Variants in ANO7 observed in about 807,000 individuals in gnomAD.
ANO7 encodes the protein anoctamin 7.
Under a neutral mutation model 115.8 loss-of-function variants are expected in ANO7, and 114 were observed. That is an observed-to-expected ratio of 0.98 (90% CI 0.85 to 1.15). The LOEUF is 1.15. Among genes scored for constraint, ANO7 ranks in the 50% most tolerant of loss-of-function variants. The pLI is 0.00. For synonymous variants in ANO7, 550 were observed against 498.2 expected (o/e 1.10, Z -1.38); for missense variants, 1,302 against 1,201.2 (o/e 1.08, Z -1.24).
chr2:241,239,656 G>C, the ANO7 span: 1 of 1,614,204 alleles, frequency 6.2e-7, no homozygotes, highest in Non-Finnish European at 8.5e-7. The surrounding 1 kb of genome is among the most constrained non-coding windows in gnomAD (Gnocchi z 4.6). Context: ...CACAGTCCTT[G>C]GCGCCCTTGA....
At chr2:241,229,612 G>C, downstream of ANO7, 1 of 1,613,664 alleles carries the variant, frequency 6.2e-7, no homozygotes, top group Non-Finnish European at 8.5e-7. Context: ...TATCGTTTGG[G>C]GCCCCAAGGG....
intron 4 of ANO7, among the ~76,000 whole-genome samples, chr2:241,196,913 G>A (rs1388931036): frequency 6.6e-6 from 1 of 152,108 alleles, no homozygotes; most frequent in Non-Finnish European, 1.5e-5. Context: ...GGACTTCTGG[G>A]AGTAGGGGTG....
intron 3 of ANO7, among the ~76,000 whole-genome samples, chr2:241,192,244 G>A (rs980000171): frequency 2.0e-5 from 3 of 152,328 alleles, no homozygotes; most frequent in East Asian, 3.9e-4. Context: ...AGAATCGCTT[G>A]AACCCAAAAG....
In ANO7 at chr2:241,217,682, G is replaced by A. The variant is rs1298085797; in HGVS notation, c.1973-4G>A. ...AGAGCCCGGCCGTGACCCCCTCCCC[G>A]CAGTGCTGCAGTTCGGCTTCGTCAC... On this transcript the variant is annotated splice_polypyrimidine_tract_variant and splice_region_variant and intron_variant, in intron 19 of 24. Coordinates refer to ENST00000674324, the MANE Select transcript of ANO7 (RefSeq NM_001370694.2). 6 of 1,575,148 alleles carry A rather than the reference G, an allele frequency of 3.8e-6. No homozygotes were observed. Among genetic ancestry groups the A allele is most frequent in the Admixed American group, 1.8e-5 (1 of 55,068 alleles).
chr2:241,189,363 G>T (rs140765011), intron 1 of ANO7, among the ~76,000 whole-genome samples: 1 of 152,178 alleles, frequency 6.6e-6, no homozygotes, highest in Non-Finnish European at 1.5e-5. Context: ...CACACCCTCC[G>T]GTCATCGTCG....
intron 19 of ANO7, among the ~76,000 whole-genome samples, chr2:241,217,050 C>T (rs953582212): frequency 1.3e-5 from 2 of 152,200 alleles, no homozygotes; most frequent in African/African-American, 4.8e-5. Flanking sequence ...CCAGGCTGGT[C>T]TCGAACTCCT....
chr2:241,230,352 T>C (rs1444695611), downstream of ANO7: 1 of 878,854 alleles, frequency 1.1e-6, no homozygotes, highest in Non-Finnish European at 1.8e-6. This position sits in a 1 kb window ranked among gnomAD's most constrained non-coding sequence, Gnocchi z 5.0. Flanking sequence ...TAGTGAAGCA[T>C]TTTCTGAGTT....
At position 241,225,532 on chromosome 2, in the gene ANO7, C is replaced by A. The variant is rs2069139879; in HGVS notation, c.*1379C>A. On this transcript the variant is annotated 3_prime_UTR_variant, in exon 25 of 25. Transcript: ENST00000674324. ...AGAGCAAGACTCCGTCTCGGGAACA[C>A]ACACACACAAAAAGAATATGTGGTT... Among the ~76,000 whole-genome samples the A allele has an allele frequency of 6.6e-6, 1 of 152,080 alleles. No homozygotes were observed. Among genetic ancestry groups the A allele is most frequent in the Non-Finnish European group, 1.5e-5 (1 of 67,964 alleles).
rs772795788 is a variant in ANO7, at chr2:241,223,707, G to A, written c.2458G>A (p.Asp820Asn). 14 of 1,614,108 alleles carry A rather than the reference G, an allele frequency of 8.7e-6. No homozygotes were observed. The highest frequency in any genetic ancestry group is 1.1e-5 in the Non-Finnish European group (13 of 1,179,988). The change falls in exon 23 of 25, where the codon GAC (aspartate) becomes AAC (asparagine). Residue 820 changes from aspartate to asparagine, a missense_variant. By Grantham distance (23) the Asp-to-Asn change is conservative (BLOSUM62 1). Coordinates refer to ENST00000674324, the MANE Select transcript of ANO7 (RefSeq NM_001370694.2). ...CCGCCTCCTGGACCTCCTGGTGCCT[G>A]ACATCCCAGAGTCTGTGGAGATCAA... ...VGRLLDLLVP[D>N]IPESVEIKVK...
chr2:241,235,334 T>C, the ANO7 span: 1 of 1,587,458 alleles, frequency 6.3e-7, no homozygotes, highest in Admixed American at 1.7e-5. Flanking sequence ...GACCCAGAAG[T>C]GGTGAGAGGG....
the ANO7 span, chr2:241,235,456 T>A: frequency 2.0e-6 from 3 of 1,536,742 alleles, no homozygotes; most frequent in South Asian, 3.4e-5. Context: ...GACAGGCCAC[T>A]CCTGTGACAT....
Position 241,216,102 on chromosome 2 carries a change from G to A in ANO7, c.1836G>A (p.Lys612=), listed in dbSNP as rs770315634. The A allele has an allele frequency of 8.7e-6, 14 of 1,608,952 alleles. No individual in the cohort carries two copies. The South Asian group carries it at 1.4e-4, about 17-fold the overall frequency. ...GTATTCCCGTCCCCAGGAAGCTAAA[G>A]GGCTGGTGGCAGAAGTTCCGGCTTC... The part of the protein sequence containing the change: ...NMQEVLIPKL[K]GWWQKFRLRS... The change falls in exon 19 of 25, where the codon AAG becomes AAA. Residue 612 remains lysine, a synonymous_variant. Coordinates refer to ENST00000674324, the MANE Select transcript of ANO7 (RefSeq NM_001370694.2).
downstream of ANO7, chr2:241,229,552 G>C (rs78125729): frequency 7.5e-7 from 1 of 1,341,144 alleles, no homozygotes; most frequent in South Asian, 1.2e-5. Flanking sequence ...ACCATTGTGT[G>C]GTTGGGTTTG....
At chr2:241,205,664 A>T (rs1214302217) in intron 10 of ANO7, among the ~76,000 whole-genome samples, 1 of 116,984 alleles carries the variant, frequency 8.5e-6, no homozygotes, top group Admixed American at 8.4e-5. Context: ...AGCCTGACAC[A>T]GGTGGACAGG....
At chr2:241,234,516 G>A in the ANO7 span, among the ~76,000 whole-genome samples, 1 of 152,182 alleles carries the variant, frequency 6.6e-6, no homozygotes, top group African/African-American at 2.4e-5. Context: ...GCTCACGGGA[G>A]GAGTGGAAAG....
chr2:241,233,176 C>T, the ANO7 span, among the ~76,000 whole-genome samples: 1 of 152,128 alleles, frequency 6.6e-6, no homozygotes. The surrounding 1 kb of genome is among the most constrained non-coding windows in gnomAD (Gnocchi z 4.3). Flanking sequence ...AGCAGACACC[C>T]CAGCAGGATG....
chr2:241,224,599 C>G lies in ANO7; in HGVS notation c.*446C>G, dbSNP rs1574805558. ...TCTCCCTCGTGTCCTCTGGACCCAC[C>G]CGCCCCTTCCTGCCCTGTTTGCGCA... On this transcript the variant is annotated 3_prime_UTR_variant, in exon 25 of 25. Coordinates refer to ENST00000674324, the MANE Select transcript of ANO7 (RefSeq NM_001370694.2). 5.6e-6 allele frequency: 1 copy of G among 177,260 alleles called. No individual in the cohort carries two copies. The highest frequency in any genetic ancestry group is 1.6e-4 in the East Asian group (1 of 6,324). 11.0% of individuals were successfully genotyped at this position (177,260 alleles called of 1,614,324 possible).
rs765362744 is a variant in ANO7 at position 241,212,062 on chromosome 2, C to T, written c.1562-32C>T. 1.9e-5 allele frequency: 31 copies of T among 1,596,512 alleles called. No individual in the cohort carries two copies. The South Asian group carries it at 3.3e-4, about 17-fold the overall frequency. On this transcript the variant is annotated intron_variant, in intron 15 of 24. Coordinates refer to ENST00000674324, the MANE Select transcript of ANO7 (RefSeq NM_001370694.2). ...CCTAGTTGGATGCTGGTGACTCCCC[C>T]AGGGACTGAGCCCAGGCTCTCCATG...
At chr2:241,216,333 G>C in intron 19 of ANO7, 95 bp downstream of exon 19, 3 of 1,413,772 alleles carry the variant, frequency 2.1e-6, no homozygotes, top group Non-Finnish European at 2.8e-6. Flanking sequence ...ACATTCCTGT[G>C]TCTGCATCTG....
Sources: allele counts gnomAD v4.1 joint callset (sites outside exome capture counted in the v4.1 genomes callset), GRCh38; gene constraint gnomAD v4.1.1; non-coding constraint Gnocchi (gnomAD v3.1); transcripts MANE v1.5; gene names NCBI Gene and HGNC (gene_info 2026-07-23, HGNC 2026-07-21).